RUFY2: variants seen among roughly 807,000 people sequenced by gnomAD.
RUFY2 encodes RUN and FYVE domain-containing protein 2.
Under a neutral mutation model 94.4 loss-of-function variants are expected in RUFY2, and 49 were observed. The ratio of observed to expected loss-of-function variants is 0.52; its 90% confidence interval spans 0.41 to 0.66. RUFY2 has a LOEUF of 0.66. Among genes scored for constraint, RUFY2 ranks in the 30% least tolerant of loss-of-function variants. The pLI, the probability that RUFY2 is intolerant of heterozygous loss-of-function variation, is 0.00. For missense variants in RUFY2, 541 were observed against 692.8 expected, an observed-to-expected ratio of 0.78 and a Z score of 2.46; for synonymous variants, 255 against 235.7, an observed-to-expected ratio of 1.08 and a Z score of -0.75.
chr10:68,379,169 G>A (rs1337126942), intron 12 of RUFY2: 1 of 351,706 alleles, frequency 2.8e-6, no homozygotes, highest in African/African-American at 2.2e-5. Context: ...TTATGTAACT[G>A]AACGACATGA....
chr10:68,383,455 C>T (rs917097639), intron 10 of RUFY2, among the ~76,000 whole-genome samples: 12 of 151,704 alleles, frequency 7.9e-5, no homozygotes, highest in Admixed American at 1.3e-4. Context: ...CCCATCTCTA[C>T]AAAAAATACA....
At chr10:68,363,817 T>C (rs1450134348) in intron 14 of RUFY2, 133 bp from the exon 15 acceptor site, 27 of 831,768 alleles carry the variant, frequency 3.2e-5, no homozygotes, top group Middle Eastern at 7.2e-4. Flanking sequence ...CCAAAGCTCT[T>C]TCCTAGCTGC....
At chr10:68,407,144 G>C in intron 1 of RUFY2, 42 bp downstream of exon 1, 1 of 1,505,788 alleles carries the variant, frequency 6.6e-7, no homozygotes. Flanking sequence ...CCTCAGCCCG[G>C]GACTGAGGGC....
Position 68,370,862 on chromosome 10 carries a change from G to A in RUFY2, c.1325+5991C>T, listed in dbSNP as rs1322147556. 2.0e-5 allele frequency among the ~76,000 whole-genome samples: 3 copies of A among 152,132 alleles called. No individual in the cohort carries two copies. The East Asian group carries it at 5.8e-4, about 29-fold the overall frequency. On this transcript the variant is annotated intron_variant, in intron 13 of 17. Transcript: ENST00000602465. Reference sequence around the variant, plus strand: ...AAAAAAAAAAGGTCAGCTGGGCTCAGTGGCTCACGCCTGTAATCCCAGCAC... The same window carrying A: ...AAAAAAAAAAGGTCAGCTGGGCTCAATGGCTCACGCCTGTAATCCCAGCAC...
At chr10:68,389,374 C>T (rs371273665) in intron 7 of RUFY2, among the ~76,000 whole-genome samples, 9 of 151,752 alleles carry the variant, frequency 5.9e-5, no homozygotes, top group Admixed American at 6.6e-5. Context: ...GGGTGGATCA[C>T]GAAGTCAGGA....
At chr10:68,341,929 T>G (rs1407503037), downstream of RUFY2, 3 of 1,599,894 alleles carry the variant, frequency 1.9e-6, no homozygotes, top group Non-Finnish European at 2.6e-6. Flanking sequence ...CTTTTATTAT[T>G]TTATGCAGAT....
intron 3 of RUFY2, 30 bp from the exon 4 acceptor site, chr10:68,396,911 C>T (rs753410484): frequency 6.9e-6 from 10 of 1,445,006 alleles, no homozygotes; most frequent in African/African-American, 1.4e-5. Context: ...GATCAGAAAA[C>T]AGCCCTAGCC....
At chr10:68,353,782 C>T (rs1277181347) in intron 16 of RUFY2, among the ~76,000 whole-genome samples, 1 of 151,642 alleles carries the variant, frequency 6.6e-6, no homozygotes, top group Non-Finnish European at 1.5e-5. Context: ...CTGGGCAACA[C>T]AGCAAGACCC....
chr10:68,374,234 A>G (rs1425411754), intron 13 of RUFY2, among the ~76,000 whole-genome samples: 1 of 151,930 alleles, frequency 6.6e-6, no homozygotes, highest in African/African-American at 2.4e-5. Context: ...CTAGGAGTGC[A>G]AGACTAGCCT....
At position 68,344,178 on chromosome 10, in the gene RUFY2, G is replaced by C. The variant is rs576612829; in HGVS notation, c.*1590C>G. ...GCTGACTGGAAATTTACGGGTTTTG[G>C]AAAAAATAGATCTTCAAGTAAAATA... On this transcript the variant is annotated 3_prime_UTR_variant, in exon 18 of 18. Transcript: ENST00000602465. The C allele has an allele frequency of 6.6e-6, 1 of 152,082 alleles. No homozygotes were observed. The highest frequency in any genetic ancestry group is 1.5e-5 in the Non-Finnish European group (1 of 67,990). 9.4% of individuals were successfully genotyped at this position (152,082 alleles called of 1,614,324 possible).
intron 11 of RUFY2, 139 bp from the exon 12 acceptor site, chr10:68,379,660 C>T (rs536864386): frequency 8.7e-6 from 5 of 577,172 alleles, no homozygotes; most frequent in African/African-American, 5.8e-5. Context: ...CAAGCTATCC[C>T]ACCTCTCAGC....
intron 3 of RUFY2, among the ~76,000 whole-genome samples, chr10:68,400,205 A>T (rs1037044257): frequency 7.9e-5 from 12 of 151,872 alleles, no homozygotes; most frequent in Non-Finnish European, 1.6e-4. Flanking sequence ...AATCCCAGCT[A>T]CTTGGGAGGC....
At chr10:68,392,828 T>C (rs1390175945) in intron 7 of RUFY2, among the ~76,000 whole-genome samples, 1 of 149,890 alleles carries the variant, frequency 6.7e-6, no homozygotes, top group Non-Finnish European at 1.5e-5. Flanking sequence ...CTCAGGAGGC[T>C]GAGGCAGGGG....
At position 68,396,900 on chromosome 10, in the gene RUFY2, T is replaced by G. The variant is rs2050433955; in HGVS notation, c.297-19A>C. The G allele has an allele frequency of 1.9e-6, 3 of 1,574,626 alleles. No individual in the cohort carries two copies. The highest frequency in any genetic ancestry group is 2.6e-6 in the Non-Finnish European group (3 of 1,145,516). ...AGGGGTCCTAAAGAGAAGAACCAAT[T>G]GATCAGAAAACAGCCCTAGCCCAAA... On this transcript the variant is annotated intron_variant, in intron 3 of 17. Transcript: ENST00000602465.
chr10:68,385,144 A>C (rs2132870931), intron 8 of RUFY2, among the ~76,000 whole-genome samples: 1 of 152,144 alleles, frequency 6.6e-6, no homozygotes, highest in South Asian at 2.1e-4. Flanking sequence ...CGTGCCTTTA[A>C]TCCCAGCTAC....
At chr10:68,346,263 G>T (rs771959465) in intron 16 of RUFY2, 179 bp from the exon 17 acceptor site, 1 of 562,630 alleles carries the variant, frequency 1.8e-6, no homozygotes, top group Non-Finnish European at 3.1e-6. Flanking sequence ...AAATATTCTG[G>T]GTTGGGGAGG....
At chr10:68,366,228 G>A (rs879441640) in intron 13 of RUFY2, among the ~76,000 whole-genome samples, 3 of 150,400 alleles carry the variant, frequency 2.0e-5, no homozygotes, top group Non-Finnish European at 4.4e-5. Context: ...TACTTGGAAG[G>A]CTGAGGCAGA....
intron 13 of RUFY2, among the ~76,000 whole-genome samples, chr10:68,368,285 A>T (rs894393755): frequency 6.7e-6 from 1 of 148,854 alleles, no homozygotes; most frequent in Non-Finnish European, 1.5e-5. Flanking sequence ...TTTTAACCAC[A>T]GTAATACTTC....
In RUFY2 at chr10:68,345,722, C is replaced by T. The variant is rs759949787; in HGVS notation, c.*46G>A. The T allele has an allele frequency of 1.0e-5, 16 of 1,562,540 alleles. No individual in the cohort carries two copies. In the East Asian group the frequency reaches 2.5e-4, roughly 24 times the overall value. On this transcript the variant is annotated 3_prime_UTR_variant, in exon 18 of 18. Coordinates refer to ENST00000602465, the MANE Select transcript of RUFY2 (RefSeq NM_001330103.2). ...GTTACCTTTGTATACAACATCATAACATTCATTGTAGGTAATTTCATACAT... is the reference window on the plus strand; with the variant it reads ...GTTACCTTTGTATACAACATCATAATATTCATTGTAGGTAATTTCATACAT...
Sources: allele counts gnomAD v4.1 joint callset (sites outside exome capture counted in the v4.1 genomes callset), GRCh38; gene constraint gnomAD v4.1.1; transcripts MANE v1.5; gene names NCBI Gene and HGNC (gene_info 2026-07-23, HGNC 2026-07-21).